Variants in SLC22A2 observed in about 807,000 individuals in gnomAD.
SLC22A2 encodes organic cation transporter 2.
Under a neutral mutation model 60.5 loss-of-function variants are expected in SLC22A2, and 46 were observed. That is an observed-to-expected ratio of 0.76 (90% CI 0.60 to 0.97). The LOEUF is 0.97. Ranked by LOEUF, SLC22A2 falls within the 50% of genes least tolerant of loss-of-function variation. The probability of loss-of-function intolerance (pLI) is 0.00; values close to 1 mark genes in which losing one functional copy is unlikely to be tolerated. For synonymous variants in SLC22A2, 303 were observed against 267.0 expected, an observed-to-expected ratio of 1.13 and a Z score of -1.31; for missense variants, 701 against 706.6, an observed-to-expected ratio of 0.99 and a Z score of 0.09.
At chr6:160,230,383 C>A (rs1470785082) in intron 9 of SLC22A2, among the ~76,000 whole-genome samples, 2 of 151,870 alleles carry the variant, frequency 1.3e-5, no homozygotes, top group East Asian at 3.8e-4. Flanking sequence ...GGCTCTTTTT[C>A]ATCAAATATA....
intron 9 of SLC22A2, among the ~76,000 whole-genome samples, chr6:160,225,839 T>C (rs898446712): frequency 1.3e-5 from 2 of 152,208 alleles, no homozygotes; most frequent in African/African-American, 2.4e-5. Context: ...AGATCTAACT[T>C]AATCGACTTC....
chr6:160,222,879 C>T (rs1782665399), intron 10 of SLC22A2, among the ~76,000 whole-genome samples: 1 of 152,156 alleles, frequency 6.6e-6, no homozygotes, highest in South Asian at 2.1e-4. Context: ...CCTGGAAATC[C>T]AGTTTATGTG....
chr6:160,217,640 GT>G (rs1282262070), intron 10 of SLC22A2, 142 bp from the exon 11 acceptor site: 1 of 581,390 alleles, frequency 1.7e-6, no homozygotes, highest in East Asian at 2.9e-5. Context: ...GTTCTGAGTG[GT>G]GGTTCTCACA....
intron 10 of SLC22A2, among the ~76,000 whole-genome samples, chr6:160,222,673 G>A (rs1383228391): frequency 6.6e-6 from 1 of 152,086 alleles, no homozygotes; most frequent in Non-Finnish European, 1.5e-5. Context: ...TAGATGAAAG[G>A]TCTCCAACTC....
In SLC22A2 at chr6:160,231,604, C is replaced by T. The variant is rs140755996; in HGVS notation, c.1502-6800G>A. Among the ~76,000 whole-genome samples, 98 of 151,994 alleles carry T rather than the reference C, an allele frequency of 6.4e-4. 1 individual carries two copies. Among genetic ancestry groups the T allele is most frequent in the African/African-American group, 2.3e-3 (93 of 41,288 alleles). On this transcript the variant is annotated intron_variant, in intron 9 of 10. Transcript: ENST00000366953. ...TACCCCCATCTTACCTGTCCTAAAACCAGACAAGCCTTACAGGTTAGTTCA... is the reference window on the plus strand; with the variant it reads ...TACCCCCATCTTACCTGTCCTAAAATCAGACAAGCCTTACAGGTTAGTTCA...
chr6:160,247,094 GTTCCCTGCTGAGATCAC>G, intron 5 of SLC22A2, 73 bp downstream of exon 5: 1 of 771,750 alleles, frequency 1.3e-6, no homozygotes, highest in East Asian at 2.5e-5. Context: ...TGCTTCCATG[GTTCCCTGCTGAGATCAC>G]TGGCATGCAT....
intron 10 of SLC22A2, chr6:160,218,388 T>G: frequency 2.8e-6 from 1 of 360,882 alleles, no homozygotes; most frequent in Non-Finnish European, 5.4e-6. Flanking sequence ...GCAGCAACAG[T>G]AGCAGCAATA....
chr6:160,219,419 CTACTAACTAAA>C (rs1197618067), intron 10 of SLC22A2, among the ~76,000 whole-genome samples: 2 of 85,818 alleles, frequency 2.3e-5, no homozygotes, highest in African/African-American at 9.5e-5. Flanking sequence ...CGGTGAGTGA[CTACTAACTAAA>C]TACCAAGCAC....
Position 160,243,645 on chromosome 6 carries a change from T to C in SLC22A2, c.1206A>G (p.Gly402=). The change falls in exon 7 of 11, where the codon GGA becomes GGG. Residue 402 remains glycine (G), a synonymous_variant. Coordinates refer to ENST00000366953, the MANE Select transcript of SLC22A2 (RefSeq NM_003058.4). ...FMIILTIDRI[G]RRYPWAASNM... ...TTGATGCAGCCCAAGGGTAACGGCG[T>C]CCGATGCGGTCGATGGTGAGGATGA... 6.2e-7 allele frequency: 1 copy of C among 1,613,968 alleles called. No individual in the cohort carries two copies. The highest frequency in any genetic ancestry group is 8.5e-7 in the Non-Finnish European group (1 of 1,179,956).
intron 9 of SLC22A2, among the ~76,000 whole-genome samples, chr6:160,230,952 T>C (rs1187987208): frequency 6.6e-6 from 1 of 151,946 alleles, no homozygotes; most frequent in Non-Finnish European, 1.5e-5. Flanking sequence ...TCTGCTCAGC[T>C]TAGCAGCTGA....
chr6:160,240,268 A>T (rs1210604223), intron 9 of SLC22A2, among the ~76,000 whole-genome samples: 2 of 152,204 alleles, frequency 1.3e-5, no homozygotes, highest in East Asian at 3.8e-4. Flanking sequence ...TGCCCAGTTA[A>T]ATTTACATTT....
At chr6:160,247,104 G>GA in intron 5 of SLC22A2, 80 bp downstream of exon 5, 1 of 846,970 alleles carries the variant, frequency 1.2e-6, no homozygotes. Flanking sequence ...GTTCCCTGCT[G>GA]AGATCACTGG....
In SLC22A2 at chr6:160,249,207, T is replaced by A; in HGVS notation, c.842+9A>T. ...TGATTTATTTCCTTTTTATTCCAAA[T>A]GGACTTACCAGTAATAGAGCAAGAA... On this transcript the variant is annotated intron_variant, in intron 4 of 10. Coordinates refer to ENST00000366953, the MANE Select transcript of SLC22A2 (RefSeq NM_003058.4). 1 of 1,561,696 alleles carries A rather than the reference T, an allele frequency of 6.4e-7. No homozygotes were observed. Among genetic ancestry groups the A allele is most frequent in the Non-Finnish European group, 8.7e-7 (1 of 1,149,202 alleles).
intron 9 of SLC22A2, among the ~76,000 whole-genome samples, chr6:160,235,831 A>G (rs1044949391): frequency 6.6e-5 from 10 of 152,096 alleles, no homozygotes; most frequent in African/African-American, 2.4e-4. Flanking sequence ...GTAAAAGTGA[A>G]ATTTGACTTA....
chr6:160,219,953 A>T (rs1782620995), intron 10 of SLC22A2, among the ~76,000 whole-genome samples: 2 of 152,202 alleles, frequency 1.3e-5, no homozygotes, highest in Non-Finnish European at 2.9e-5. Context: ...CTCTATGTTG[A>T]TGGCTGCTGA....
At chr6:160,243,310 G>A (rs1783040502) in intron 7 of SLC22A2, among the ~76,000 whole-genome samples, 1 of 151,976 alleles carries the variant, frequency 6.6e-6, no homozygotes, top group South Asian at 2.1e-4. Context: ...CATGCTCTCT[G>A]CTCCAGGTCA....
At chr6:160,249,955 G>C (rs911571160) in intron 3 of SLC22A2, among the ~76,000 whole-genome samples, 1 of 152,210 alleles carries the variant, frequency 6.6e-6, no homozygotes, top group Admixed American at 6.5e-5. Context: ...CAGCCATAGT[G>C]AGAATATTGC....
chr6:160,247,111 CTGGCA>C, intron 5 of SLC22A2, 68 bp downstream of exon 5: 1 of 889,840 alleles, frequency 1.1e-6, no homozygotes, highest in Non-Finnish European at 1.9e-6. Context: ...GCTGAGATCA[CTGGCA>C]TGCATGAATC....
At position 160,258,387 on chromosome 6, in the gene SLC22A2, T is replaced by C; in HGVS notation, c.371A>G (p.Asp124Gly). Residue 124 changes from aspartate (D) to glycine (G), a missense_variant, in exon 1 of 11, where the codon GAC becomes GGC. Physicochemically the swap from Asp to Gly is moderately conservative, Grantham distance 94 (BLOSUM62 -1). Coordinates refer to ENST00000366953, the MANE Select transcript of SLC22A2 (RefSeq NM_003058.4). ...GCCAGGCGTCTCGTACACCCAGCCG[T>C]CCCGGCAGGGGCCCAGTGGCAGGCG... is the stretch of plus-strand genomic sequence containing the variant. ...RSRLPLGPCR[D>G]GWVYETPGSS... 2 of 1,613,732 alleles carry C rather than the reference T, an allele frequency of 1.2e-6. No individual in the cohort carries two copies. The highest frequency in any genetic ancestry group is 8.5e-7 in the Non-Finnish European group (1 of 1,179,864).
Sources: allele counts gnomAD v4.1 joint callset (sites outside exome capture counted in the v4.1 genomes callset), GRCh38; gene constraint gnomAD v4.1.1; transcripts MANE v1.5; gene names NCBI Gene and HGNC (gene_info 2026-07-23, HGNC 2026-07-21).